Variants in MED27 observed in about 807,000 individuals in gnomAD.
MED27 encodes the protein mediator of RNA polymerase II transcription subunit 27.
A neutral mutation model predicts 38.2 loss-of-function variants in MED27; 30 were observed. The ratio of observed to expected loss-of-function variants is 0.79; its 90% CI spans 0.59 to 1.07. The LOEUF is 1.07. Among genes scored for constraint, MED27 ranks in the 50% least tolerant of loss-of-function variants. The pLI is 0.00. For synonymous variants in MED27, 122 were observed against 153.5 expected (o/e 0.79, Z 1.52); for missense variants, 289 against 397.5 (o/e 0.73, Z 2.32).
chr9:131,945,417 T>C (rs901141422), intron 3 of MED27, among the ~76,000 whole-genome samples: 3 of 152,146 alleles, frequency 2.0e-5, no homozygotes, highest in African/African-American at 7.2e-5. Context: ...GCCTCACATA[T>C]TTAGCATTTT....
intron 5 of MED27, among the ~76,000 whole-genome samples, chr9:131,888,696 G>GT (rs1303654410): frequency 6.6e-6 from 1 of 152,148 alleles, no homozygotes; most frequent in Admixed American, 6.5e-5. Context: ...AGGTGAACAG[G>GT]TGATAGGCCT....
chr9:132,047,552 GA>G lies in MED27; in HGVS notation c.348+29889del, dbSNP rs996434241. Among the ~76,000 whole-genome samples the G allele has an allele frequency of 1.7e-3, 238 of 142,348 alleles. 1 individual carries two copies. The highest frequency in any genetic ancestry group is 5.6e-3 in the African/African-American group (218 of 38,704). The allele number at this position is 142,348 out of a possible 152,430, so 93.4% of individuals were successfully genotyped here. ...TTGTAATAAAGCTTGTCCAAATCAC[GA>G]AAAAAAAAAATCCATACTCTTTGAC... On this transcript the variant is annotated intron_variant, in intron 2 of 7. Coordinates refer to ENST00000292035, the MANE Select transcript of MED27 (RefSeq NM_004269.4).
At chr9:132,070,117 A>T (rs528309804) in intron 2 of MED27, among the ~76,000 whole-genome samples, 1 of 152,320 alleles carries the variant, frequency 6.6e-6, no homozygotes, top group East Asian at 1.9e-4. Flanking sequence ...ACTCGTCCCA[A>T]ATTAGAAAGC....
chr9:131,970,027 C>T (rs1208585040), intron 3 of MED27, among the ~76,000 whole-genome samples: 1 of 152,134 alleles, frequency 6.6e-6, no homozygotes, highest in African/African-American at 2.4e-5. Flanking sequence ...CCTAGTGCCA[C>T]AAGATCCCAA....
intron 6 of MED27, among the ~76,000 whole-genome samples, chr9:131,881,340 T>C (rs1839034761): frequency 6.6e-6 from 1 of 152,092 alleles, no homozygotes; most frequent in Non-Finnish European, 1.5e-5. Context: ...AGATGAGAAA[T>C]GTGCTTCCCT....
chr9:131,989,643 ATTT>A (rs1302629505), intron 3 of MED27, among the ~76,000 whole-genome samples: 172 of 152,288 alleles, frequency 1.1e-3, no homozygotes, highest in Middle Eastern at 6.8e-3. Flanking sequence ...ATTATTTTTA[ATTT>A]AACTCTATTA....
intron 3 of MED27, among the ~76,000 whole-genome samples, chr9:131,941,412 A>G (rs1035554670): frequency 1.3e-5 from 2 of 152,182 alleles, no homozygotes; most frequent in African/African-American, 4.8e-5. Flanking sequence ...AAGCGAACAC[A>G]CACGCCAGCT....
intron 2 of MED27, among the ~76,000 whole-genome samples, chr9:132,028,156 C>T (rs1832864805): frequency 6.6e-6 from 1 of 152,210 alleles, no homozygotes; most frequent in Non-Finnish European, 1.5e-5. Flanking sequence ...GCTGTCCCCT[C>T]TACCTGGAAC....
chr9:131,989,952 A>G (rs1332742192), intron 3 of MED27, among the ~76,000 whole-genome samples: 1 of 152,172 alleles, frequency 6.6e-6, no homozygotes, highest in Non-Finnish European at 1.5e-5. Context: ...CTGACTATGT[A>G]CTAGTTAAAA....
chr9:132,002,246 A>T (rs1339991290), intron 3 of MED27, among the ~76,000 whole-genome samples: 3 of 152,060 alleles, frequency 2.0e-5, no homozygotes, highest in Non-Finnish European at 4.4e-5. Flanking sequence ...TTCCACACTA[A>T]CCAAAATTAG....
rs1039700489 is a variant in MED27, at chr9:131,863,351, G to C, written c.724-211C>G. ...GCATGCTGTCGGCAGAAAGGATGCA[G>C]GCCTGGAGGCAGGGGGCGTGTGGAA... On this transcript the variant is annotated intron_variant, in intron 6 of 7. Coordinates refer to ENST00000292035, the MANE Select transcript of MED27 (RefSeq NM_004269.4). Among the ~76,000 whole-genome samples, 10 of 152,346 alleles carry C rather than the reference G, an allele frequency of 6.6e-5. No homozygotes were observed. In the South Asian group the frequency reaches 2.1e-3, roughly 32 times the overall value.
rs191497590 is a variant in MED27 at position 132,004,406 on chromosome 9, C to T, written c.479+9931G>A. 4.1e-3 allele frequency among the ~76,000 whole-genome samples: 628 copies of T among 152,252 alleles called. 6 individuals are homozygous for T. The highest frequency in any genetic ancestry group is 3.6e-3 in the Non-Finnish European group (248 of 68,026). ...GGGGATAAAAGATAAGTAACATGAA[C>T]CAATTATCTTTTAAACAGTTACAAA... is the stretch of plus-strand genomic sequence containing the variant. On this transcript the variant is annotated intron_variant, in intron 3 of 7. Transcript: ENST00000292035.
rs184933411 is a variant in MED27 at position 132,003,709 on chromosome 9, C to T, written c.479+10628G>A. Among the ~76,000 whole-genome samples, 418 of 152,296 alleles carry T rather than the reference C, an allele frequency of 2.7e-3. 1 individual carries two copies. Among genetic ancestry groups the T allele is most frequent in the African/African-American group, 9.8e-3 (406 of 41,546 alleles). ...TCATCATGCAGTTTTAACCAATTAG[C>T]AACTATTTCTCCATACTCCTCTTTC... On this transcript the variant is annotated intron_variant, in intron 3 of 7. Transcript: ENST00000292035. The surrounding 1 kb of genome is among the most constrained non-coding windows in gnomAD (Gnocchi z 4.2).
rs1359585278 is a variant in MED27 at position 131,862,185 on chromosome 9, G to A, written c.801+878C>T. On this transcript the variant is annotated intron_variant, in intron 7 of 7. Transcript: ENST00000292035. This position sits in a 1 kb window ranked among gnomAD's most constrained non-coding sequence, Gnocchi z 4.6. ...GAGGAATGAACTCCAGGCTCTCTGAGCAGTGGCACTGTTGATGCCATGTGA... is the reference window on the plus strand; with the variant it reads ...GAGGAATGAACTCCAGGCTCTCTGAACAGTGGCACTGTTGATGCCATGTGA... Among the ~76,000 whole-genome samples the A allele has an allele frequency of 6.6e-6, 1 of 152,194 alleles. No homozygotes were observed. The highest frequency in any genetic ancestry group is 1.5e-5 in the Non-Finnish European group (1 of 68,040).
chr9:132,034,649 T>C (rs1022461606), intron 2 of MED27, among the ~76,000 whole-genome samples: 1 of 152,290 alleles, frequency 6.6e-6, no homozygotes, highest in South Asian at 2.1e-4. Context: ...CACGCCCTCC[T>C]GTCTCCTCAG....
At chr9:132,060,274 C>A (rs1833669676) in intron 2 of MED27, among the ~76,000 whole-genome samples, 1 of 152,132 alleles carries the variant, frequency 6.6e-6, no homozygotes, top group African/African-American at 2.4e-5. Context: ...GAAATGCAGA[C>A]ACGTCACCAC....
chr9:131,918,751 G>A (rs1419725681), intron 4 of MED27, among the ~76,000 whole-genome samples: 5 of 151,998 alleles, frequency 3.3e-5, no homozygotes, highest in African/African-American at 1.2e-4. Context: ...TAATGTGCAA[G>A]CCACCAGAAA....
chr9:131,899,626 C>T (rs557740020), intron 4 of MED27, among the ~76,000 whole-genome samples: 5 of 152,296 alleles, frequency 3.3e-5, no homozygotes, highest in Non-Finnish European at 7.4e-5. Context: ...CAGCAAAGCT[C>T]AATGGCTGTT....
At chr9:131,880,832 C>T (rs1284292060) in intron 6 of MED27, among the ~76,000 whole-genome samples, 1 of 152,000 alleles carries the variant, frequency 6.6e-6, no homozygotes, top group African/African-American at 2.4e-5. Context: ...TTCACCAAAT[C>T]TGTGTTTTAT....
Sources: gnomAD v4.1 joint callset for allele counts (sites outside exome capture counted in the v4.1 genomes callset) on GRCh38, gnomAD v4.1.1 for gene constraint, Gnocchi (gnomAD v3.1) non-coding constraint, MANE v1.5 for transcripts, NCBI Gene and HGNC (gene_info 2026-07-23, HGNC 2026-07-21) for gene names.